Variants in USH2A observed in about 807,000 individuals in gnomAD.
USH2A encodes the protein usherin.
USH2A carries 443 observed loss-of-function variants against 538.9 expected under a neutral mutation model. The observed-to-expected ratio is 0.82, with a 90% CI of 0.76 to 0.89. The LOEUF (loss-of-function observed/expected upper bound fraction) is 0.89. Ranked by LOEUF, USH2A falls within the 40% of genes least tolerant of loss-of-function variation. The probability of loss-of-function intolerance (pLI) is 0.00; values close to 1 mark genes in which losing one functional copy is unlikely to be tolerated. For synonymous variants in USH2A, 2,413 were observed against 2,273.5 expected (o/e 1.06, Z -1.75); for missense variants, 6,633 against 6,324.8 (o/e 1.05, Z -1.65).
chr1:215,906,386 G>C (rs1665640946), intron 38 of USH2A, among the ~76,000 whole-genome samples: 1 of 152,028 alleles, frequency 6.6e-6, no homozygotes, highest in Admixed American at 6.6e-5. Flanking sequence ...GTGAGGCTCA[G>C]AGAGAAGTTA....
chr1:215,658,250 A>G (rs948746300), intron 64 of USH2A, among the ~76,000 whole-genome samples: 5 of 150,064 alleles, frequency 3.3e-5, no homozygotes, highest in Admixed American at 2.0e-4. Context: ...GAGTTATCAC[A>G]TACTTTTTTT....
intron 21 of USH2A, among the ~76,000 whole-genome samples, chr1:216,120,138 A>G (rs1388195711): frequency 1.3e-5 from 2 of 149,104 alleles, no homozygotes; most frequent in Admixed American, 6.8e-5. Context: ...ACTATTAATG[A>G]CTCTTGACAT....
rs1435495561 is a variant in USH2A at position 215,674,302 on chromosome 1, G to A, written c.13609C>T (p.Pro4537Ser). 35 of 1,613,866 alleles carry A rather than the reference G, an allele frequency of 2.2e-5. No homozygotes were observed. Among genetic ancestry groups the A allele is most frequent in the Non-Finnish European group, 2.8e-5 (33 of 1,179,992 alleles). ...GGACCCCTGGCCTGCAATTTTGGAG[G>A]TTCCATCCCTGAGGGTGCTGAGGGG... ...TSPSAPSGMEPPKLQARGPQE... is the reference protein window; with the variant it reads ...TSPSAPSGMESPKLQARGPQE... Residue 4537 changes from proline to serine, a missense_variant, in exon 63 of 72, where the codon CCT (proline) becomes TCT (serine). Physicochemically the swap from Pro to Ser is moderately conservative, Grantham distance 74 (BLOSUM62 -1). Coordinates refer to ENST00000307340, the MANE Select transcript of USH2A (RefSeq NM_206933.4).
intron 38 of USH2A, among the ~76,000 whole-genome samples, chr1:215,907,079 G>A (rs1665658037): frequency 6.6e-6 from 1 of 151,800 alleles, no homozygotes; most frequent in South Asian, 2.1e-4. Flanking sequence ...CTTTATCATT[G>A]GAAAGCTCTT....
chr1:215,818,405 T>C lies in USH2A; in HGVS notation c.9372-1210A>G, dbSNP rs80270087. ...TTTTTTGACTCATCTAAATAGATTC[T>C]TTTTTTTTTCAATAACTCTTTAACT... On this transcript the variant is annotated intron_variant, in intron 47 of 71. Coordinates refer to ENST00000307340, the MANE Select transcript of USH2A (RefSeq NM_206933.4). Among the ~76,000 whole-genome samples, 333 of 145,424 alleles carry C rather than the reference T, an allele frequency of 2.3e-3. 7 individuals are homozygous for C. In the East Asian group the frequency reaches 0.059, roughly 26 times the overall value.
intron 22 of USH2A, among the ~76,000 whole-genome samples, chr1:216,095,817 C>A (rs745890066): frequency 6.6e-6 from 1 of 152,150 alleles, no homozygotes; most frequent in Non-Finnish European, 1.5e-5. Flanking sequence ...GTCAATGGAT[C>A]TCCAGGGTTC....
chr1:215,702,107 G>T (rs1248091655), intron 61 of USH2A, among the ~76,000 whole-genome samples: 1 of 152,120 alleles, frequency 6.6e-6, no homozygotes, highest in African/African-American at 2.4e-5. Context: ...TGAAATTCTG[G>T]GTTGAAAATT....
At chr1:215,905,441 T>G (rs1253954897) in intron 38 of USH2A, among the ~76,000 whole-genome samples, 3 of 152,050 alleles carry the variant, frequency 2.0e-5, no homozygotes, top group Non-Finnish European at 2.9e-5. Flanking sequence ...ACAAGGTTCT[T>G]GTTAGAGGCA....
chr1:216,393,408 G>A (rs905409600), intron 3 of USH2A, among the ~76,000 whole-genome samples: 1 of 152,174 alleles, frequency 6.6e-6, no homozygotes, highest in Non-Finnish European at 1.5e-5. Context: ...AGGTACATAA[G>A]TAATTTGCAT....
At chr1:216,027,161 A>G (rs889230972) in intron 32 of USH2A, among the ~76,000 whole-genome samples, 6 of 152,142 alleles carry the variant, frequency 3.9e-5, no homozygotes, top group African/African-American at 1.4e-4. Context: ...TGGTCTTTAA[A>G]GAGGTAATTA....
At chr1:216,263,068 A>G (rs1451389034) in intron 11 of USH2A, among the ~76,000 whole-genome samples, 1 of 152,158 alleles carries the variant, frequency 6.6e-6, no homozygotes, top group Non-Finnish European at 1.5e-5. Context: ...ACTGGCCAAA[A>G]TTGAACCAAG....
intron 49 of USH2A, among the ~76,000 whole-genome samples, chr1:215,802,848 C>T (rs933898677): frequency 2.0e-5 from 3 of 152,082 alleles, no homozygotes; most frequent in South Asian, 2.1e-4. Flanking sequence ...ATAATAGTCA[C>T]TAGGCAGAAA....
intron 4 of USH2A, among the ~76,000 whole-genome samples, chr1:216,350,771 C>T (rs1013038250): frequency 2.0e-5 from 3 of 152,232 alleles, no homozygotes; most frequent in South Asian, 2.1e-4. Context: ...GTGAAAGCTG[C>T]CAGTGGCTAC....
At chr1:216,129,885 G>T (rs1446308379) in intron 21 of USH2A, among the ~76,000 whole-genome samples, 2 of 151,982 alleles carry the variant, frequency 1.3e-5, no homozygotes, top group Non-Finnish European at 2.9e-5. Context: ...ACAGAATAAA[G>T]AACCCAGAAA....
intron 12 of USH2A, among the ~76,000 whole-genome samples, chr1:216,247,762 T>A (rs1435237341): frequency 6.6e-6 from 1 of 152,120 alleles, no homozygotes; most frequent in South Asian, 2.1e-4. Context: ...AGAGATTAGA[T>A]CTTAAATGTT....
At chr1:216,109,226 T>C (rs562354587) in intron 21 of USH2A, among the ~76,000 whole-genome samples, 85 of 152,314 alleles carry the variant, frequency 5.6e-4, no homozygotes, top group African/African-American at 2.0e-3. Context: ...TGGAGGATAA[T>C]AGTGTAACCT....
chr1:215,828,316 G>T (rs1314967113), intron 47 of USH2A, among the ~76,000 whole-genome samples: 1 of 152,084 alleles, frequency 6.6e-6, no homozygotes, highest in African/African-American at 2.4e-5. Context: ...GTATTAGCTG[G>T]GTGTGGTGGC....
chr1:216,017,652 G>C (rs982880610), intron 32 of USH2A, among the ~76,000 whole-genome samples: 1 of 152,176 alleles, frequency 6.6e-6, no homozygotes, highest in Non-Finnish European at 1.5e-5. Flanking sequence ...GGCAGGAAAA[G>C]AGTAGGTTTA....
chr1:215,675,932 T>C (rs1658008107), intron 62 of USH2A, among the ~76,000 whole-genome samples: 1 of 152,186 alleles, frequency 6.6e-6, no homozygotes, highest in Admixed American at 6.5e-5. Context: ...TTTCTCCTAT[T>C]TGTATTTTTT....
Sources: gnomAD v4.1 joint callset for allele counts (sites outside exome capture counted in the v4.1 genomes callset) on GRCh38, gnomAD v4.1.1 for gene constraint, MANE v1.5 for transcripts, NCBI Gene and HGNC (gene_info 2026-07-23, HGNC 2026-07-21) for gene names.